Variants in NELL1 observed in about 807,000 individuals in gnomAD.
NELL1 encodes the protein neural EGFL like 1.
NELL1 carries 76 observed loss-of-function variants against 107.4 expected under a neutral mutation model. The observed-to-expected ratio is 0.71, with a 90% CI of 0.59 to 0.86. The LOEUF (loss-of-function observed/expected upper bound fraction) is 0.86, where lower values mean the gene tolerates loss of function less well. NELL1 is among the 40% of genes least tolerant of loss of function. NELL1 has a pLI of 0.00. For synonymous variants in NELL1, 353 were observed against 341.2 expected (o/e 1.03, Z -0.38); for missense variants, 1,024 against 1,005.5 (o/e 1.02, Z -0.25).
intron 13 of NELL1, among the ~76,000 whole-genome samples, chr11:21,153,575 A>T (rs1856167258): frequency 6.6e-6 from 1 of 152,174 alleles, no homozygotes; most frequent in Non-Finnish European, 1.5e-5. Flanking sequence ...AATGGAACTA[A>T]GGGAAAGGAA....
intron 2 of NELL1, among the ~76,000 whole-genome samples, chr11:20,710,927 T>G (rs971743455): frequency 6.6e-6 from 1 of 152,136 alleles, no homozygotes; most frequent in East Asian, 1.9e-4. Context: ...CTTTTCTTGG[T>G]TAACCTTACT....
chr11:21,015,453 T>G (rs558734625), intron 12 of NELL1, among the ~76,000 whole-genome samples: 5 of 152,146 alleles, frequency 3.3e-5, no homozygotes, highest in Non-Finnish European at 7.4e-5. Flanking sequence ...AAAATGCCTG[T>G]CCAGGTGGTG....
intron 4 of NELL1, among the ~76,000 whole-genome samples, chr11:20,867,625 G>A (rs1474057194): frequency 1.3e-5 from 2 of 152,176 alleles, no homozygotes; most frequent in East Asian, 1.9e-4. Context: ...ATTATTATTA[G>A]TTTGCATAGA....
intron 2 of NELL1, among the ~76,000 whole-genome samples, chr11:20,752,695 G>A (rs1271582974): frequency 2.0e-5 from 3 of 152,128 alleles, no homozygotes; most frequent in Non-Finnish European, 4.4e-5. Flanking sequence ...CTGTAAGAGG[G>A]CAAAAATTTA....
chr11:21,405,487 A>G (rs752862978), intron 15 of NELL1, among the ~76,000 whole-genome samples: 3 of 152,060 alleles, frequency 2.0e-5, no homozygotes, highest in African/African-American at 4.8e-5. Flanking sequence ...ACTGAGGTCA[A>G]TGGAAATGTT....
At chr11:20,986,731 T>C (rs986560377) in intron 12 of NELL1, among the ~76,000 whole-genome samples, 1 of 152,134 alleles carries the variant, frequency 6.6e-6, no homozygotes, top group African/African-American at 2.4e-5. Context: ...TTTTTTTTCT[T>C]ACCCTTCTTA....
chr11:20,690,572 T>C (rs1227773704), intron 2 of NELL1, among the ~76,000 whole-genome samples: 2 of 146,732 alleles, frequency 1.4e-5, no homozygotes, highest in African/African-American at 5.1e-5. Context: ...TTCTCAGGTT[T>C]GTCAAAGATC....
chr11:20,991,638 T>G (rs1851973977), intron 12 of NELL1, among the ~76,000 whole-genome samples: 1 of 152,044 alleles, frequency 6.6e-6, no homozygotes, highest in African/African-American at 2.4e-5. Flanking sequence ...CATTGGGACG[T>G]GCCTCGGATT....
intron 12 of NELL1, among the ~76,000 whole-genome samples, chr11:21,037,933 G>T (rs989717800): frequency 2.6e-5 from 4 of 152,096 alleles, no homozygotes; most frequent in Non-Finnish European, 5.9e-5. Context: ...TTGTGGACAG[G>T]TATTGGTAGA....
At chr11:21,564,650 C>CAAAGT (rs144059235) in intron 17 of NELL1, among the ~76,000 whole-genome samples, 5,891 of 151,850 alleles carry the variant, frequency 0.039, 329 homozygotes, top group African/African-American at 0.12. Flanking sequence ...ATCGTGAAAA[C>CAAAGT]AAAGTAATAC....
At chr11:21,272,011 T>C (rs558470231) in intron 14 of NELL1, among the ~76,000 whole-genome samples, 1 of 152,184 alleles carries the variant, frequency 6.6e-6, no homozygotes, top group Non-Finnish European at 1.5e-5. Context: ...CATTTCCAAC[T>C]GAGGTACTGG....
chr11:20,757,174 T>TA (rs1244386606), intron 2 of NELL1, among the ~76,000 whole-genome samples: 1 of 151,964 alleles, frequency 6.6e-6, no homozygotes, highest in Admixed American at 6.6e-5. Context: ...TTTTTTTTTT[T>TA]AAATATAATT....
chr11:21,279,963 G>T (rs1453455405), intron 14 of NELL1, among the ~76,000 whole-genome samples: 1 of 152,194 alleles, frequency 6.6e-6, no homozygotes. Context: ...AAGCCGATCT[G>T]CAAATGTCAC....
chr11:21,084,235 T>C (rs926538532), intron 12 of NELL1, among the ~76,000 whole-genome samples: 3 of 152,216 alleles, frequency 2.0e-5, no homozygotes, highest in African/African-American at 7.2e-5. Flanking sequence ...CCTGGACATA[T>C]GTGCATCAAT....
chr11:21,457,777 A>G (rs1564904019), intron 15 of NELL1, among the ~76,000 whole-genome samples: 1 of 152,218 alleles, frequency 6.6e-6, no homozygotes, highest in Non-Finnish European at 1.5e-5. Context: ...GAAGGAATAA[A>G]AGATGGAATA....
intron 13 of NELL1, among the ~76,000 whole-genome samples, chr11:21,145,972 G>A (rs542464954): frequency 3.9e-5 from 6 of 152,180 alleles, no homozygotes; most frequent in Non-Finnish European, 8.8e-5. Context: ...TTTGCAAGAC[G>A]TATTGGTTGA....
chr11:21,023,941 G>A (rs1312461946), intron 12 of NELL1, among the ~76,000 whole-genome samples: 3 of 152,052 alleles, frequency 2.0e-5, no homozygotes, highest in East Asian at 1.9e-4. Context: ...AGACATTGCA[G>A]TGTTGCATAG....
intron 12 of NELL1, among the ~76,000 whole-genome samples, chr11:21,113,123 C>T (rs1855145954): frequency 6.6e-6 from 1 of 151,886 alleles, no homozygotes; most frequent in Non-Finnish European, 1.5e-5. Flanking sequence ...GAGAAACTAG[C>T]TACACCATCA....
intron 1 of NELL1, among the ~76,000 whole-genome samples, chr11:20,671,888 C>T (rs1447905705): frequency 6.6e-6 from 1 of 152,078 alleles, no homozygotes; most frequent in Non-Finnish European, 1.5e-5. Flanking sequence ...GATGTACCTT[C>T]AAGGCTTTCT....
Sources: gnomAD v4.1 joint callset for allele counts (sites outside exome capture counted in the v4.1 genomes callset) on GRCh38, gnomAD v4.1.1 for gene constraint, MANE v1.5 for transcripts, NCBI Gene and HGNC (gene_info 2026-07-23, HGNC 2026-07-21) for gene names.